Variants in SREBF2 observed in about 807,000 individuals in gnomAD.
SREBF2 encodes sterol regulatory element-binding protein 2.
In SREBF2, 55 loss-of-function variants were observed where a neutral mutation model predicts 113.1. That is an observed-to-expected ratio of 0.49 (90% confidence interval 0.39 to 0.61). The LOEUF (loss-of-function observed/expected upper bound fraction) is 0.61. Ranked by LOEUF, SREBF2 falls within the 20% of genes least tolerant of loss-of-function variation. The probability of loss-of-function intolerance (pLI) is 0.00; values close to 1 mark genes in which losing one functional copy is unlikely to be tolerated. For missense variants in SREBF2, 1,349 were observed against 1,487.4 expected, an observed-to-expected ratio of 0.91 and a Z score of 1.53; for synonymous variants, 593 against 605.7, an observed-to-expected ratio of 0.98 and a Z score of 0.31.
At chr22:41,894,674 T>A (rs117551728) in intron 12 of SREBF2, 146 bp from the exon 13 acceptor site, 1 of 787,324 alleles carries the variant, frequency 1.3e-6, no homozygotes. Context: ...TCCAACTGTT[T>A]AGCACAGTAG....
intron 16 of SREBF2, among the ~76,000 whole-genome samples, chr22:41,902,504 C>T (rs1332524181): frequency 6.6e-6 from 1 of 152,156 alleles, no homozygotes; most frequent in East Asian, 1.9e-4. Context: ...ACACCTGTCT[C>T]CCTCTCCCAC....
intron 1 of SREBF2, among the ~76,000 whole-genome samples, chr22:41,837,374 A>G (rs982202160): frequency 9.4e-4 from 142 of 151,756 alleles, no homozygotes; most frequent in African/African-American, 3.4e-3. Context: ...CCTAGCCAAT[A>G]TGGTGAAACC....
intron 1 of SREBF2, among the ~76,000 whole-genome samples, chr22:41,856,585 C>G (rs2284083): frequency 0.083 from 12,614 of 152,118 alleles, 663 homozygotes; most frequent in East Asian, 0.15. Context: ...AGAGGGTGGT[C>G]ACAAGTAGAA....
chr22:41,880,832 C>T lies in SREBF2; in HGVS notation c.1878C>T (p.Tyr626=). ...GCCTCTCCTGGAACGTGATCCGCTA[C>T]AGCCTGCAGAAGCTACGCCTGGTGC... ...ACSLSWNVIR[Y]SLQKLRLVRW... Residue 626 remains tyrosine (Y), a synonymous_variant, in exon 10 of 19, where the codon TAC becomes TAT. Coordinates refer to ENST00000361204, the MANE Select transcript of SREBF2 (RefSeq NM_004599.4). 1.2e-6 allele frequency: 2 copies of T among 1,614,194 alleles called. No homozygotes were observed. Among genetic ancestry groups the T allele is most frequent in the African/African-American group, 1.3e-5 (1 of 75,086 alleles).
chr22:41,895,403 T>C lies in SREBF2; in HGVS notation c.2495+466T>C, dbSNP rs553270261. 1.3e-3 allele frequency among the ~76,000 whole-genome samples: 200 copies of C among 151,492 alleles called. 1 individual carries two copies. The highest frequency in any genetic ancestry group is 4.6e-3 in the African/African-American group (189 of 41,222). On this transcript the variant is annotated intron_variant, in intron 13 of 18. Transcript: ENST00000361204. ...GCCTCAGCCTCCCAAAGTGCTGGGA[T>C]TACAGGCGTGAGCCACCATGCCCAG...
At chr22:41,863,360 G>A (rs950188330) in intron 1 of SREBF2, among the ~76,000 whole-genome samples, 1 of 152,200 alleles carries the variant, frequency 6.6e-6, no homozygotes, top group African/African-American at 2.4e-5. Flanking sequence ...GCTTTCCATG[G>A]ATGGAAACTG....
At chr22:41,892,236 C>T (rs2077370570) in intron 11 of SREBF2, among the ~76,000 whole-genome samples, 1 of 152,204 alleles carries the variant, frequency 6.6e-6, no homozygotes, top group Non-Finnish European at 1.5e-5. Context: ...CTGATGTGAC[C>T]CTGACGGCTG....
At chr22:41,901,506 C>G (rs745844246) in intron 16 of SREBF2, among the ~76,000 whole-genome samples, 5 of 152,124 alleles carry the variant, frequency 3.3e-5, no homozygotes, top group African/African-American at 7.2e-5. Context: ...ACTAAAAATA[C>G]AAAAATAAGC....
intron 1 of SREBF2, among the ~76,000 whole-genome samples, chr22:41,845,190 A>G (rs2076866247): frequency 6.6e-6 from 1 of 151,972 alleles, no homozygotes; most frequent in Non-Finnish European, 1.5e-5. Context: ...TGGCCTCCCA[A>G]AGTGCTGCGA....
intron 11 of SREBF2, among the ~76,000 whole-genome samples, chr22:41,887,033 C>G (rs765583212): frequency 1.2e-4 from 18 of 151,758 alleles, no homozygotes; most frequent in Non-Finnish European, 2.5e-4. Context: ...GACTCCATCT[C>G]AAAATAAATA....
At chr22:41,898,212 C>T (rs932288090) in intron 14 of SREBF2, among the ~76,000 whole-genome samples, 2 of 152,126 alleles carry the variant, frequency 1.3e-5, no homozygotes, top group Admixed American at 1.3e-4. Context: ...CACCGAGGTT[C>T]AAGCGATTCT....
intron 7 of SREBF2, among the ~76,000 whole-genome samples, 199 bp from the exon 8 acceptor site, chr22:41,877,026 CAGTT>C (rs1030382950): frequency 4.9e-4 from 75 of 152,250 alleles, no homozygotes; most frequent in East Asian, 7.7e-4. Context: ...GTACTTTTCT[CAGTT>C]AGCAAGCAGG....
rs2077129483 is a variant in SREBF2, at chr22:41,870,523, G to A, written c.721-366G>A. ...CACCTGTAGTCCCAGCTACTCAGGA[G>A]GCTGAGGCAGCAGGATCACTTGAGC... is the stretch of plus-strand genomic sequence containing the variant. On this transcript the variant is annotated intron_variant, in intron 3 of 18. Transcript: ENST00000361204. Among the ~76,000 whole-genome samples the A allele has an allele frequency of 2.0e-5, 3 of 151,532 alleles. No individual in the cohort carries two copies. The South Asian group carries it at 6.2e-4, about 31-fold the overall frequency.
At chr22:41,837,401 T>C (rs909328147) in intron 1 of SREBF2, among the ~76,000 whole-genome samples, 2 of 150,828 alleles carry the variant, frequency 1.3e-5, no homozygotes, top group Admixed American at 1.3e-4. Context: ...CTACTAAAAA[T>C]ACAAAAATTA....
chr22:41,895,155 T>C (rs2148413796), intron 13 of SREBF2, among the ~76,000 whole-genome samples: 1 of 151,958 alleles, frequency 6.6e-6, no homozygotes, highest in South Asian at 2.1e-4. Flanking sequence ...TTTTTTTTTT[T>C]TGGAGACGGA....
intron 2 of SREBF2, among the ~76,000 whole-genome samples, chr22:41,868,219 G>A (rs1045465187): frequency 4.6e-5 from 7 of 152,262 alleles, no homozygotes; most frequent in East Asian, 3.9e-4. Context: ...GACAGGTGGG[G>A]GAATGTAAAG....
At chr22:41,868,330 T>C (rs1312615814) in intron 2 of SREBF2, among the ~76,000 whole-genome samples, 1 of 152,150 alleles carries the variant, frequency 6.6e-6, no homozygotes, top group African/African-American at 2.4e-5. Context: ...ATCTGTTAAC[T>C]CCCTTGCTGG....
rs192744094 is a variant in SREBF2, at chr22:41,869,373, C to T, written c.720+581C>T. On this transcript the variant is annotated intron_variant, in intron 3 of 18. Transcript: ENST00000361204. ...CCTCCCAAAGTGCTGGGATTACAGA[C>T]GTGAGCCACTGCCCTTGGCTTTCAT... Among the ~76,000 whole-genome samples, 353 of 139,714 alleles carry T rather than the reference C, an allele frequency of 2.5e-3. 2 individuals carry two copies. The highest frequency in any genetic ancestry group is 8.8e-3 in the African/African-American group (327 of 37,286). The allele number at this position is 139,714 out of a possible 152,430, so 91.7% of individuals were successfully genotyped here. A position where few individuals can be genotyped will look rare whatever the true frequency, so the allele number is the denominator to read the frequency against.
chr22:41,870,378 C>T (rs1438772341), intron 3 of SREBF2, among the ~76,000 whole-genome samples: 4 of 152,076 alleles, frequency 2.6e-5, no homozygotes, highest in East Asian at 1.9e-4. Flanking sequence ...AATCTCAGCA[C>T]TTTGGGAGGC....
Sources: gnomAD v4.1 joint callset for allele counts (sites outside exome capture counted in the v4.1 genomes callset) on GRCh38, gnomAD v4.1.1 for gene constraint, MANE v1.5 for transcripts, NCBI Gene and HGNC (gene_info 2026-07-23, HGNC 2026-07-21) for gene names.